STX8: variants seen among roughly 807,000 people sequenced by gnomAD.
STX8 encodes syntaxin-8.
In STX8, 23 loss-of-function variants were observed where a neutral mutation model predicts 37.5. The observed-to-expected ratio is 0.61, with a 90% CI of 0.44 to 0.87. The LOEUF is 0.87. STX8 is among the 40% of genes least tolerant of loss of function. The pLI is 0.00. For missense variants in STX8, 313 were observed against 284.7 expected, an observed-to-expected ratio of 1.10 and a Z score of -0.71; for synonymous variants, 115 against 99.1, an observed-to-expected ratio of 1.16 and a Z score of -0.95.
intron 7 of STX8, among the ~76,000 whole-genome samples, chr17:9,252,181 A>G (rs1411898150): frequency 1.3e-5 from 2 of 151,622 alleles, no homozygotes; most frequent in Non-Finnish European, 2.9e-5. Flanking sequence ...GCAGTGGCTC[A>G]CGCCTGTAAT....
chr17:9,487,233 G>C (rs1345542575), intron 6 of STX8, among the ~76,000 whole-genome samples: 2 of 152,158 alleles, frequency 1.3e-5, no homozygotes, highest in Admixed American at 6.5e-5. Flanking sequence ...TTGTTAGTAA[G>C]ATTTTGATAC....
intron 6 of STX8, among the ~76,000 whole-genome samples, chr17:9,460,756 T>C (rs944291294): frequency 4.6e-5 from 7 of 151,342 alleles, no homozygotes; most frequent in African/African-American, 1.7e-4. Flanking sequence ...TAAATATGTA[T>C]ATGGTGGTTA....
chr17:9,292,779 A>C (rs752561802), intron 7 of STX8, among the ~76,000 whole-genome samples: 7 of 152,214 alleles, frequency 4.6e-5, no homozygotes, highest in Non-Finnish European at 8.8e-5. Context: ...TCTTGAGCCA[A>C]CAAGTCTTCC....
intron 6 of STX8, among the ~76,000 whole-genome samples, chr17:9,441,731 A>G (rs911277673): frequency 2.3e-5 from 3 of 129,616 alleles, no homozygotes; most frequent in South Asian, 2.5e-4. Context: ...GCTGGAGTGC[A>G]GTGGCGCGAT....
At chr17:9,309,825 A>C (rs1036644707) in intron 7 of STX8, among the ~76,000 whole-genome samples, 1 of 152,222 alleles carries the variant, frequency 6.6e-6, no homozygotes, top group African/African-American at 2.4e-5. Flanking sequence ...CCAATAACAT[A>C]TAACTCTAGA....
intron 4 of STX8, among the ~76,000 whole-genome samples, chr17:9,535,424 C>CTTTTTTTTTTTT (rs35962202): frequency 0.021 from 1,067 of 51,540 alleles, 247 homozygotes; most frequent in South Asian, 0.042. Flanking sequence ...AGCCATCCTA[C>CTTTTTTTTTTTT]TTTTTTTTTT....
chr17:9,266,905 G>A (rs1320715008), intron 7 of STX8, among the ~76,000 whole-genome samples: 1 of 152,196 alleles, frequency 6.6e-6, no homozygotes, highest in Non-Finnish European at 1.5e-5. Context: ...TAGTTATTCA[G>A]TGTGGCTCTG....
chr17:9,312,917 G>T (rs767680877), intron 7 of STX8, among the ~76,000 whole-genome samples: 1 of 152,056 alleles, frequency 6.6e-6, no homozygotes, highest in Non-Finnish European at 1.5e-5. Context: ...TGGGCCAGGC[G>T]TGGTGGCTCA....
chr17:9,535,921 G>A lies in STX8; in HGVS notation c.323+9251C>T, dbSNP rs142174201. On this transcript the variant is annotated intron_variant, in intron 4 of 7. Coordinates refer to ENST00000306357, the MANE Select transcript of STX8 (RefSeq NM_004853.3). ...ACAAAAACTAATGACAAAACCTTAC[G>A]TCACGATTGGGAAAATCTCCAAGAT... Among the ~76,000 whole-genome samples, 1,395 of 152,188 alleles carry A rather than the reference G, an allele frequency of 9.2e-3. 14 individuals are homozygous for A. The highest frequency in any genetic ancestry group is 0.034 in the South Asian group (164 of 4,824).
chr17:9,371,404 G>A (rs890876866), intron 7 of STX8, among the ~76,000 whole-genome samples: 37 of 152,230 alleles, frequency 2.4e-4, no homozygotes, highest in African/African-American at 8.7e-4. Context: ...ACCCCCTATA[G>A]TTAAAGTACA....
intron 6 of STX8, among the ~76,000 whole-genome samples, chr17:9,401,860 C>T (rs1409117358): frequency 5.3e-5 from 8 of 152,116 alleles, no homozygotes; most frequent in African/African-American, 1.9e-4. Flanking sequence ...CTCTACTTTA[C>T]AAGAGAGCAT....
At chr17:9,334,070 G>A (rs1051490599) in intron 7 of STX8, among the ~76,000 whole-genome samples, 3 of 147,192 alleles carry the variant, frequency 2.0e-5, no homozygotes, top group East Asian at 4.3e-4. Context: ...GGGGAGTGCT[G>A]ATTGGTTGGG....
At chr17:9,294,058 C>T (rs908696581) in intron 7 of STX8, among the ~76,000 whole-genome samples, 1 of 152,172 alleles carries the variant, frequency 6.6e-6, no homozygotes, top group Admixed American at 6.5e-5. Flanking sequence ...AGCCACTGCC[C>T]CTGGCCCAAG....
intron 3 of STX8, among the ~76,000 whole-genome samples, chr17:9,546,179 G>A (rs968322400): frequency 2.6e-5 from 4 of 152,146 alleles, no homozygotes; most frequent in African/African-American, 7.2e-5. Context: ...TACATTGCAT[G>A]ATTTGTAAAG....
chr17:9,305,036 A>G (rs1908925438), intron 7 of STX8, among the ~76,000 whole-genome samples: 1 of 151,828 alleles, frequency 6.6e-6, no homozygotes, highest in Non-Finnish European at 1.5e-5. Context: ...TCACAGAACC[A>G]TCCTGTTTTT....
chr17:9,281,776 A>G (rs1345908502), intron 7 of STX8, among the ~76,000 whole-genome samples: 1 of 152,224 alleles, frequency 6.6e-6, no homozygotes. Context: ...TCTATTAAAA[A>G]TACAAAAATC....
chr17:9,296,058 C>T (rs1908523157), intron 7 of STX8, among the ~76,000 whole-genome samples: 1 of 152,174 alleles, frequency 6.6e-6, no homozygotes, highest in South Asian at 2.1e-4. Context: ...GGGGCGGTGG[C>T]GGGTGCCTGT....
chr17:9,409,189 T>A (rs1216503413), intron 6 of STX8, among the ~76,000 whole-genome samples: 1 of 152,102 alleles, frequency 6.6e-6, no homozygotes, highest in Non-Finnish European at 1.5e-5. Context: ...CTATGCCCAT[T>A]AAGTTTGGGA....
chr17:9,257,987 TAAAACAAAAACA>T (rs940081955), intron 7 of STX8, among the ~76,000 whole-genome samples: 1 of 152,230 alleles, frequency 6.6e-6, no homozygotes, highest in Non-Finnish European at 1.5e-5. Flanking sequence ...AGATTTTGTT[TAAAACAAAAACA>T]AAAACAAAAA....
Sources: gnomAD v4.1 joint callset for allele counts (sites outside exome capture counted in the v4.1 genomes callset) on GRCh38, gnomAD v4.1.1 for gene constraint, MANE v1.5 for transcripts, NCBI Gene and HGNC (gene_info 2026-07-23, HGNC 2026-07-21) for gene names.